PRKCE: variants seen among roughly 807,000 people sequenced by gnomAD.
The protein encoded by PRKCE is protein kinase C epsilon type.
Under a neutral mutation model 85.4 loss-of-function variants are expected in PRKCE, and 16 were observed. The ratio of observed to expected loss-of-function variants is 0.19; its 90% CI spans 0.13 to 0.28. The LOEUF (loss-of-function observed/expected upper bound fraction) is 0.28, where lower values mean the gene tolerates loss of function less well. PRKCE is among the 10% of genes least tolerant of loss of function. The probability of loss-of-function intolerance (pLI) is 1.00; values close to 1 mark genes in which losing one functional copy is unlikely to be tolerated. For synonymous variants in PRKCE, 388 were observed against 371.5 expected (o/e 1.04, Z -0.51); for missense variants, 573 against 975.2 (o/e 0.59, Z 5.49).
At chr2:45,946,367 T>C (rs1413028330) in intron 2 of PRKCE, among the ~76,000 whole-genome samples, 1 of 152,250 alleles carries the variant, frequency 6.6e-6, no homozygotes, top group Non-Finnish European at 1.5e-5. Flanking sequence ...TGATACGGTT[T>C]ATAAATGACC....
At chr2:45,917,042 G>A (rs1012676116) in intron 2 of PRKCE, among the ~76,000 whole-genome samples, 1 of 152,236 alleles carries the variant, frequency 6.6e-6, no homozygotes, top group Non-Finnish European at 1.5e-5. Context: ...CAGTGTGGAA[G>A]GGGACTCCAG....
chr2:46,088,377 C>G (rs71422190), intron 11 of PRKCE, among the ~76,000 whole-genome samples: 8,278 of 152,242 alleles, frequency 0.054, 300 homozygotes, highest in Middle Eastern at 0.12. Flanking sequence ...CCTGCCTGGC[C>G]CCATCAGCCA....
At chr2:45,716,559 AAAAGAAAG>A (rs1262182664) in intron 1 of PRKCE, among the ~76,000 whole-genome samples, 2 of 150,004 alleles carry the variant, frequency 1.3e-5, no homozygotes, top group African/African-American at 4.9e-5. Context: ...GAAAGGAAGA[AAAAGAAAG>A]AAAGGAAGAA....
chr2:45,979,956 T>C (rs1186555659), intron 4 of PRKCE, among the ~76,000 whole-genome samples: 1 of 152,086 alleles, frequency 6.6e-6, no homozygotes, highest in Admixed American at 6.6e-5. Context: ...ACACCTTTAA[T>C]AGGCAGTGCT....
intron 6 of PRKCE, 134 bp downstream of exon 6, chr2:45,984,814 C>A: frequency 7.9e-7 from 1 of 1,269,010 alleles, no homozygotes; most frequent in Non-Finnish European, 1.1e-6. Context: ...TTTGTTAATC[C>A]TGCATTAGTA....
intron 13 of PRKCE, among the ~76,000 whole-genome samples, chr2:46,158,903 G>A (rs1288165962): frequency 6.6e-6 from 1 of 152,160 alleles, no homozygotes; most frequent in Non-Finnish European, 1.5e-5. Flanking sequence ...ACCTGGGTGT[G>A]TAGGGATCGC....
At chr2:46,130,335 A>T (rs1674297092) in intron 11 of PRKCE, among the ~76,000 whole-genome samples, 1 of 151,938 alleles carries the variant, frequency 6.6e-6, no homozygotes, top group South Asian at 2.1e-4. Flanking sequence ...TATATTAATC[A>T]TACTGTATAC....
intron 1 of PRKCE, among the ~76,000 whole-genome samples, chr2:45,703,415 G>A (rs1177332053): frequency 1.3e-5 from 2 of 152,048 alleles, no homozygotes; most frequent in East Asian, 3.9e-4. Context: ...GCATGTACTT[G>A]TAGTCCCAGC....
chr2:45,659,094 G>C (rs1675515688), intron 1 of PRKCE, among the ~76,000 whole-genome samples: 1 of 152,190 alleles, frequency 6.6e-6, no homozygotes, highest in Admixed American at 6.5e-5. Flanking sequence ...GCTCATGCCT[G>C]ACCCTGAACT....
chr2:45,792,755 C>T (rs772563725), intron 1 of PRKCE, among the ~76,000 whole-genome samples: 4 of 152,202 alleles, frequency 2.6e-5, no homozygotes, highest in Non-Finnish European at 5.9e-5. Flanking sequence ...TGTAAAAGTG[C>T]ATCCATTTTG....
chr2:45,999,510 A>G (rs1275171752), intron 6 of PRKCE, among the ~76,000 whole-genome samples: 1 of 151,784 alleles, frequency 6.6e-6, no homozygotes, highest in Non-Finnish European at 1.5e-5. Flanking sequence ...CGTTTTTTAA[A>G]TAGTTGATTT....
intron 1 of PRKCE, among the ~76,000 whole-genome samples, chr2:45,737,373 G>A (rs1484028789): frequency 6.6e-6 from 1 of 152,156 alleles, no homozygotes; most frequent in Non-Finnish European, 1.5e-5. Flanking sequence ...GGCGGAATCA[G>A]GCCTGCCAGT....
intron 2 of PRKCE, among the ~76,000 whole-genome samples, chr2:45,945,074 A>T (rs2711298): frequency 0.11 from 16,471 of 152,152 alleles, 1,268 homozygotes; most frequent in Admixed American, 0.26. Flanking sequence ...TTAGGCAGGG[A>T]AACGATGGCC....
At chr2:45,877,067 C>G (rs1694531162) in intron 2 of PRKCE, among the ~76,000 whole-genome samples, 2 of 150,658 alleles carry the variant, frequency 1.3e-5, no homozygotes, top group Admixed American at 1.4e-4. Flanking sequence ...AATATAACCA[C>G]CTTTTATTCT....
At chr2:45,944,655 ATTTTTTTTTTTTTTTT>A (rs71394861) in intron 2 of PRKCE, among the ~76,000 whole-genome samples, 1 of 75,628 alleles carries the variant, frequency 1.3e-5, no homozygotes, top group East Asian at 3.3e-4. Flanking sequence ...TACCCGGCTA[ATTTTTTTTTTTTTTTT>A]TTTTTTTTTT....
intron 2 of PRKCE, among the ~76,000 whole-genome samples, chr2:45,936,925 TCAG>T (rs1361971124): frequency 6.6e-6 from 1 of 152,146 alleles, no homozygotes; most frequent in Non-Finnish European, 1.5e-5. Context: ...CTATAATCAA[TCAG>T]CAGGCACACC....
intron 1 of PRKCE, among the ~76,000 whole-genome samples, chr2:45,738,470 C>CA (rs1682271911): frequency 1.3e-5 from 2 of 152,220 alleles, no homozygotes; most frequent in Non-Finnish European, 2.9e-5. Context: ...TGAAATCCCA[C>CA]TGTTTTCAGA....
intron 1 of PRKCE, among the ~76,000 whole-genome samples, chr2:45,791,931 A>T (rs918498520): frequency 1.3e-5 from 2 of 152,166 alleles, no homozygotes; most frequent in Non-Finnish European, 2.9e-5. Flanking sequence ...GGATAATGGC[A>T]CCTGTTCCAC....
chr2:45,764,531 A>T (rs1252943347), intron 1 of PRKCE, among the ~76,000 whole-genome samples: 1 of 152,228 alleles, frequency 6.6e-6, no homozygotes, highest in African/African-American at 2.4e-5. Context: ...TGCAGCTCGA[A>T]TGTGTGCAGT....
Sources: allele counts gnomAD v4.1 joint callset (sites outside exome capture counted in the v4.1 genomes callset), GRCh38; gene constraint gnomAD v4.1.1; transcripts MANE v1.5; gene names NCBI Gene and HGNC (gene_info 2026-07-23, HGNC 2026-07-21).